The following SLC26A7 variants were observed in gnomAD, a reference collection of about 807,000 sequenced individuals.
SLC26A7 encodes solute carrier family 26 member 7.
In SLC26A7, 59 loss-of-function variants were observed where a neutral mutation model predicts 82.5. The ratio of observed to expected loss-of-function variants is 0.72; its 90% CI spans 0.58 to 0.89. The LOEUF is 0.89. SLC26A7 is among the 40% of genes least tolerant of loss of function. The pLI, the probability that SLC26A7 is intolerant of heterozygous loss-of-function variation, is 0.00. For synonymous variants in SLC26A7, 271 were observed against 274.3 expected (o/e 0.99, Z 0.12); for missense variants, 820 against 793.0 (o/e 1.03, Z -0.41).
intron 7 of SLC26A7, among the ~76,000 whole-genome samples, 163 bp from the exon 8 acceptor site, chr8:91,340,241 T>C (rs1813364081): frequency 6.6e-6 from 1 of 152,212 alleles, no homozygotes; most frequent in East Asian, 1.9e-4. Context: ...CTAAATAATG[T>C]TGAAAACGAA....
chr8:91,368,078 A>G (rs1298608360), intron 14 of SLC26A7, among the ~76,000 whole-genome samples: 2 of 152,210 alleles, frequency 1.3e-5, no homozygotes, highest in African/African-American at 4.8e-5. Context: ...ACAGAAGATC[A>G]TTAAGCCAGA....
At chr8:91,257,716 A>T (rs1038115374) in intron 2 of SLC26A7, among the ~76,000 whole-genome samples, 10 of 151,306 alleles carry the variant, frequency 6.6e-5, no homozygotes, top group African/African-American at 2.4e-4. Context: ...AATCCATTTT[A>T]TTTTTTATTT....
intron 2 of SLC26A7, among the ~76,000 whole-genome samples, chr8:91,251,392 G>T (rs965499959): frequency 6.6e-6 from 1 of 152,100 alleles, no homozygotes; most frequent in Admixed American, 6.6e-5. Context: ...TGTGTCTTGG[G>T]AAGTTATGAA....
At position 91,295,640 on chromosome 8, in the gene SLC26A7, C is replaced by T. The variant is rs760536507; in HGVS notation, c.414C>T (p.Ser138=). The T allele has an allele frequency of 2.6e-5, 42 of 1,614,068 alleles. No homozygotes were observed. In the Middle Eastern group the frequency reaches 6.6e-4, roughly 25 times the overall value. ...GTAACACAAGCGTGCTGGGCTTATC[C>T]GACTTTGAAATGCAAAGGATCCACG... ...TQSNTSVLGL[S]DFEMQRIHVA... is the part of the protein sequence containing the mutation. The change falls in exon 4 of 19, where the codon TCC becomes TCT. Residue 138 remains serine, a synonymous_variant. Coordinates refer to ENST00000276609, the MANE Select transcript of SLC26A7 (RefSeq NM_052832.4).
At chr8:91,221,333 G>T (rs1281033520) in intron 2 of SLC26A7, among the ~76,000 whole-genome samples, 3 of 152,148 alleles carry the variant, frequency 2.0e-5, no homozygotes, top group African/African-American at 7.2e-5. Context: ...TGTTCACTCT[G>T]ATAATAATTT....
At chr8:91,326,991 C>T (rs936010187) in intron 5 of SLC26A7, among the ~76,000 whole-genome samples, 2 of 152,144 alleles carry the variant, frequency 1.3e-5, no homozygotes, top group African/African-American at 4.8e-5. Context: ...TTAGGGCCCA[C>T]CCAGGTAATT....
chr8:91,227,335 A>G (rs1810251585), intron 2 of SLC26A7, among the ~76,000 whole-genome samples: 1 of 152,206 alleles, frequency 6.6e-6, no homozygotes, highest in Non-Finnish European at 1.5e-5. Context: ...TTTGCCTCAG[A>G]GAATAAAAAA....
chr8:91,352,940 A>G lies in SLC26A7; in HGVS notation c.1258A>G (p.Met420Val). 2 of 1,608,816 alleles carry G rather than the reference A, an allele frequency of 1.2e-6. No individual in the cohort carries two copies. Among genetic ancestry groups the G allele is most frequent in the South Asian group, 2.2e-5 (2 of 90,232 alleles). ...CATTATTGTTGTGGGACTGAAGGGA[A>G]TGCTAATACAGTTCCGAGATTTAAA... ...ASIIVVGLKG[M>V]LIQFRDLKKY... The change falls in exon 11 of 19, where the codon ATG becomes GTG. Residue 420 changes from methionine (M) to valine (V), a missense_variant. Transcript: ENST00000276609.
intron 2 of SLC26A7, among the ~76,000 whole-genome samples, chr8:91,253,474 T>C (rs549935503): frequency 6.6e-6 from 1 of 152,124 alleles, no homozygotes; most frequent in East Asian, 1.9e-4. Context: ...CCTTATTCTG[T>C]CTCCACCTGT....
intron 4 of SLC26A7, among the ~76,000 whole-genome samples, chr8:91,302,596 A>G (rs895296374): frequency 6.6e-6 from 1 of 152,116 alleles, no homozygotes; most frequent in Non-Finnish European, 1.5e-5. Flanking sequence ...TAAATTTTAC[A>G]TATTTAGAAT....
upstream of SLC26A7, among the ~76,000 whole-genome samples, chr8:91,248,293 G>T (rs1045311376): frequency 6.6e-6 from 1 of 152,026 alleles, no homozygotes; most frequent in Admixed American, 6.6e-5. Context: ...CAGACACAAA[G>T]CTAGAGATGT....
At chr8:91,359,224 A>G (rs993340943) in intron 11 of SLC26A7, among the ~76,000 whole-genome samples, 1 of 152,246 alleles carries the variant, frequency 6.6e-6, no homozygotes, top group Non-Finnish European at 1.5e-5. Context: ...TAATAATTTG[A>G]GAAAAGGATA....
intron 4 of SLC26A7, among the ~76,000 whole-genome samples, chr8:91,306,415 ATTCGGGAACTC>A (rs1812309882): frequency 6.6e-6 from 1 of 152,148 alleles, no homozygotes; most frequent in Non-Finnish European, 1.5e-5. Flanking sequence ...TGTATGCAGG[ATTCGGGAACTC>A]TTCATGAATA....
At chr8:91,394,623 G>A in intron 18 of SLC26A7, 2 of 1,142,386 alleles carry the variant, frequency 1.8e-6, no homozygotes, top group Non-Finnish European at 2.2e-6. Context: ...ATAACATTTG[G>A]TGCCTCGCAG....
chr8:91,376,608 T>C (rs1814523826), intron 15 of SLC26A7, among the ~76,000 whole-genome samples: 3 of 152,108 alleles, frequency 2.0e-5, no homozygotes, highest in Admixed American at 6.6e-5. Flanking sequence ...GGTGCAGAGA[T>C]CTCAGGTAGC....
intron 2 of SLC26A7, among the ~76,000 whole-genome samples, chr8:91,231,189 G>A (rs888017933): frequency 2.0e-5 from 3 of 152,130 alleles, no homozygotes; most frequent in Non-Finnish European, 4.4e-5. Flanking sequence ...GGACATTAGT[G>A]GAAATGCTCA....
At chr8:91,243,516 G>A (rs1448702851) in intron 2 of SLC26A7, among the ~76,000 whole-genome samples, 1 of 152,122 alleles carries the variant, frequency 6.6e-6, no homozygotes, top group East Asian at 1.9e-4. Flanking sequence ...AGCTGAGTCT[G>A]GAGACTCCAA....
chr8:91,282,597 A>T (rs1811603354), intron 2 of SLC26A7, among the ~76,000 whole-genome samples: 1 of 152,130 alleles, frequency 6.6e-6, no homozygotes, highest in Non-Finnish European at 1.5e-5. Flanking sequence ...TTGACTTCAG[A>T]TGCTCCTTCC....
intron 14 of SLC26A7, among the ~76,000 whole-genome samples, chr8:91,368,329 G>A (rs982218311): frequency 9.2e-5 from 14 of 152,096 alleles, no homozygotes; most frequent in South Asian, 8.3e-4. Context: ...CTTAAGAAGC[G>A]TGGAATTATG....
Sources: allele counts gnomAD v4.1 joint callset (sites outside exome capture counted in the v4.1 genomes callset), GRCh38; gene constraint gnomAD v4.1.1; transcripts MANE v1.5; gene names NCBI Gene and HGNC (gene_info 2026-07-23, HGNC 2026-07-21).